Variants in GRID1 observed in about 807,000 individuals in gnomAD.
GRID1 encodes glutamate ionotropic receptor delta type subunit 1, also known as glutamate receptor ionotropic, delta-1.
Under a neutral mutation model 98.0 loss-of-function variants are expected in GRID1, and 28 were observed. That is an observed-to-expected ratio of 0.29 (90% CI 0.21 to 0.39). GRID1 has a LOEUF of 0.39. Ranked by LOEUF, GRID1 falls within the 10% of genes least tolerant of loss-of-function variation. The pLI is 1.00. For synonymous variants in GRID1, 553 were observed against 538.5 expected, an observed-to-expected ratio of 1.03 and a Z score of -0.37; for missense variants, 1,111 against 1,340.5, an observed-to-expected ratio of 0.83 and a Z score of 2.67.
intron 2 of GRID1, among the ~76,000 whole-genome samples, chr10:86,217,879 G>A (rs941563220): frequency 3.3e-5 from 5 of 152,026 alleles, no homozygotes; most frequent in African/African-American, 1.2e-4. Context: ...CTATGGACAG[G>A]CCACACCACA....
chr10:86,140,686 G>A (rs1844998512), intron 3 of GRID1, among the ~76,000 whole-genome samples: 1 of 152,184 alleles, frequency 6.6e-6, no homozygotes, highest in Non-Finnish European at 1.5e-5. Flanking sequence ...CACCTGCCAC[G>A]AACTCCGACA....
At chr10:86,292,618 CCT>C (rs1847530993) in intron 2 of GRID1, among the ~76,000 whole-genome samples, 1 of 152,196 alleles carries the variant, frequency 6.6e-6, no homozygotes, top group Non-Finnish European at 1.5e-5. Context: ...TGCCTTCCTC[CCT>C]CTCTTCAGGG....
chr10:85,717,954 G>A (rs1841658588), intron 12 of GRID1, among the ~76,000 whole-genome samples: 1 of 151,968 alleles, frequency 6.6e-6, no homozygotes, highest in Admixed American at 6.5e-5. Context: ...TTTGACTCCA[G>A]GTCTCACATC....
chr10:85,886,678 A>G (rs1380318342), intron 5 of GRID1, among the ~76,000 whole-genome samples: 1 of 152,232 alleles, frequency 6.6e-6, no homozygotes, highest in Non-Finnish European at 1.5e-5. Context: ...GTTGAGGGAC[A>G]AAGAGGATAA....
chr10:85,997,355 C>T (rs1373709901), intron 4 of GRID1, among the ~76,000 whole-genome samples: 7 of 151,384 alleles, frequency 4.6e-5, no homozygotes, highest in South Asian at 2.1e-4. Flanking sequence ...GCCAAGATCG[C>T]GCCACTGTAC....
At chr10:85,884,389 T>C (rs1408031976) in intron 5 of GRID1, among the ~76,000 whole-genome samples, 1 of 152,168 alleles carries the variant, frequency 6.6e-6, no homozygotes, top group African/African-American at 2.4e-5. Flanking sequence ...TCAGTTATTA[T>C]GCTATAATTT....
At chr10:86,041,307 CACA>C (rs886580792) in intron 4 of GRID1, among the ~76,000 whole-genome samples, 6 of 152,168 alleles carry the variant, frequency 3.9e-5, no homozygotes, top group Admixed American at 3.9e-4. Flanking sequence ...TTGCAAACAC[CACA>C]ACAACAGAGC....
At chr10:86,164,858 G>A (rs1271748705) in intron 3 of GRID1, among the ~76,000 whole-genome samples, 1 of 152,146 alleles carries the variant, frequency 6.6e-6, no homozygotes. Context: ...GATGAAGCTG[G>A]GGGCACATCA....
intron 8 of GRID1, among the ~76,000 whole-genome samples, chr10:85,755,372 C>A (rs189883933): frequency 5.3e-5 from 8 of 152,346 alleles, no homozygotes; most frequent in Admixed American, 5.2e-4. Context: ...CTTGGCCTTT[C>A]TCTCCACGTG....
chr10:85,950,573 G>A (rs1487974571), intron 4 of GRID1, among the ~76,000 whole-genome samples: 1 of 152,184 alleles, frequency 6.6e-6, no homozygotes, highest in Non-Finnish European at 1.5e-5. Context: ...AGCAGAGGGG[G>A]AGAACATCTC....
At position 85,601,298 on chromosome 10, in the gene GRID1, G is replaced by T. The variant is rs75071083; in HGVS notation, c.*975C>A. The stretch of plus-strand genomic sequence containing the variant: ...TTCCTTCTCTCACCTGGGACCATGG[G>T]TCCAAACCCAAGGGAATATTCTTCC... On this transcript the variant is annotated 3_prime_UTR_variant, in exon 16 of 16. Transcript: ENST00000327946. 6,685 of 152,308 alleles carry T rather than the reference G, an allele frequency of 0.044. 245 individuals carry two copies. The highest frequency in any genetic ancestry group is 0.18 in the East Asian group (899 of 5,110). The allele number at this position is 152,308 out of a possible 1,614,324, so 9.4% of individuals were successfully genotyped here.
chr10:85,891,610 AG>A (rs1309696325), intron 5 of GRID1, among the ~76,000 whole-genome samples: 1 of 152,236 alleles, frequency 6.6e-6, no homozygotes, highest in Non-Finnish European at 1.5e-5. Context: ...ATCCAGGGAA[AG>A]GACCATCTGA....
In GRID1 at chr10:86,192,434, T is replaced by G. The variant is rs1845814964; in HGVS notation, c.520+13930A>C. On this transcript the variant is annotated intron_variant, in intron 3 of 15. Coordinates refer to ENST00000327946, the MANE Select transcript of GRID1 (RefSeq NM_017551.3). The surrounding 1 kb of genome is among the most constrained non-coding windows in gnomAD (Gnocchi z 4.8). ...CTATGCTAAGTGAAATAAGCCAGTCTCAAGGAACAAATACGGTACGAGTCC... is the reference window on the plus strand; with the variant it reads ...CTATGCTAAGTGAAATAAGCCAGTCGCAAGGAACAAATACGGTACGAGTCC... 6.6e-6 allele frequency among the ~76,000 whole-genome samples: 1 copy of G among 152,050 alleles called. No homozygotes were observed. The highest frequency in any genetic ancestry group is 1.5e-5 in the Non-Finnish European group (1 of 68,028).
chr10:85,772,434 C>T (rs1249963164), intron 8 of GRID1, among the ~76,000 whole-genome samples: 1 of 150,680 alleles, frequency 6.6e-6, no homozygotes. Flanking sequence ...AGAGCAAACA[C>T]ATTCAAAAGC....
chr10:86,316,192 C>T (rs1418643821), intron 2 of GRID1, among the ~76,000 whole-genome samples: 2 of 152,232 alleles, frequency 1.3e-5, no homozygotes, highest in Non-Finnish European at 2.9e-5. Flanking sequence ...CCTTCTGGTG[C>T]TGCACTCTGG....
intron 4 of GRID1, among the ~76,000 whole-genome samples, chr10:85,976,676 C>T (rs1467610633): frequency 6.6e-6 from 1 of 152,206 alleles, no homozygotes; most frequent in African/African-American, 2.4e-5. Flanking sequence ...ACGTAGCCCT[C>T]GTCCAGTTCC....
chr10:85,887,194 C>A (rs1190248135), intron 5 of GRID1, among the ~76,000 whole-genome samples: 6 of 152,180 alleles, frequency 3.9e-5, no homozygotes, highest in African/African-American at 1.2e-4. Flanking sequence ...TCCCTATAGA[C>A]CACCTAGGGC....
chr10:86,068,690 G>A (rs1193963322), intron 4 of GRID1, among the ~76,000 whole-genome samples: 1 of 152,194 alleles, frequency 6.6e-6, no homozygotes, highest in Non-Finnish European at 1.5e-5. Flanking sequence ...GAATTAAAAT[G>A]TGCTCTGTGA....
intron 2 of GRID1, among the ~76,000 whole-genome samples, chr10:86,256,080 C>T (rs78403501): frequency 0.041 from 6,191 of 152,196 alleles, 238 homozygotes; most frequent in Admixed American, 0.11. Flanking sequence ...CTTTTCCAGA[C>T]GCACAGGTGG....
Sources: gnomAD v4.1 joint callset for allele counts (sites outside exome capture counted in the v4.1 genomes callset) on GRCh38, gnomAD v4.1.1 for gene constraint, Gnocchi (gnomAD v3.1) non-coding constraint, MANE v1.5 for transcripts, NCBI Gene and HGNC (gene_info 2026-07-23, HGNC 2026-07-21) for gene names.